ADGRB3: variants seen among roughly 807,000 people sequenced by gnomAD.
The protein encoded by ADGRB3 is adhesion G protein-coupled receptor B3, also known as brain-specific angiogenesis inhibitor 3.
Under a neutral mutation model 193.4 loss-of-function variants are expected in ADGRB3, and 37 were observed. That is an observed-to-expected ratio of 0.19 (90% confidence interval 0.15 to 0.25). The LOEUF (loss-of-function observed/expected upper bound fraction) is 0.25. Ranked by LOEUF, ADGRB3 falls within the 10% of genes least tolerant of loss-of-function variation. The pLI is 1.00. For synonymous variants in ADGRB3, 690 were observed against 644.2 expected (o/e 1.07, Z -1.08); for missense variants, 1,637 against 1,852.9 (o/e 0.88, Z 2.14).
At chr6:69,080,110 C>G (rs2150314063) in intron 17 of ADGRB3, among the ~76,000 whole-genome samples, 1 of 152,086 alleles carries the variant, frequency 6.6e-6, no homozygotes, top group East Asian at 1.9e-4. Context: ...ATATCTTTCT[C>G]TCCCTTTGTC....
intron 3 of ADGRB3, among the ~76,000 whole-genome samples, chr6:68,665,327 T>C (rs1768774810): frequency 6.6e-6 from 1 of 151,880 alleles, no homozygotes; most frequent in Admixed American, 6.6e-5. Context: ...TTTTTCTTTC[T>C]CTTTATATTT....
chr6:69,050,731 G>A (rs62416779), intron 15 of ADGRB3, among the ~76,000 whole-genome samples: 20 of 152,078 alleles, frequency 1.3e-4, no homozygotes, highest in Non-Finnish European at 2.4e-4. Context: ...GGTGACTTGT[G>A]TTTTCATTTC....
chr6:69,110,176 G>A (rs537534163), intron 17 of ADGRB3, among the ~76,000 whole-genome samples: 1 of 151,992 alleles, frequency 6.6e-6, no homozygotes, highest in Non-Finnish European at 1.5e-5. Flanking sequence ...TTGAACTCCT[G>A]ACCTTGTAAT....
intron 3 of ADGRB3, among the ~76,000 whole-genome samples, chr6:68,862,516 A>C (rs1235410609): frequency 6.6e-6 from 1 of 152,196 alleles, no homozygotes; most frequent in Non-Finnish European, 1.5e-5. Context: ...TTTTGTGAAG[A>C]AGGTACTATA....
chr6:68,989,227 A>C (rs996072198), intron 10 of ADGRB3, among the ~76,000 whole-genome samples: 1 of 152,202 alleles, frequency 6.6e-6, no homozygotes, highest in Non-Finnish European at 1.5e-5. Context: ...TTTTAAAACT[A>C]TAATATATTG....
chr6:68,902,705 T>A (rs1213956551), intron 3 of ADGRB3, among the ~76,000 whole-genome samples: 1 of 152,044 alleles, frequency 6.6e-6, no homozygotes, highest in Non-Finnish European at 1.5e-5. Context: ...TGTAACCACA[T>A]ATAATCATGT....
chr6:68,829,911 G>A (rs1451414750), intron 3 of ADGRB3, among the ~76,000 whole-genome samples: 1 of 152,056 alleles, frequency 6.6e-6, no homozygotes, highest in East Asian at 1.9e-4. Flanking sequence ...ATATAAGATA[G>A]AACATAATGA....
intron 3 of ADGRB3, among the ~76,000 whole-genome samples, chr6:68,673,780 A>T (rs1769019355): frequency 1.3e-5 from 2 of 151,922 alleles, no homozygotes; most frequent in Admixed American, 1.3e-4. Flanking sequence ...TTTATTTCTA[A>T]ATTTAGTGCC....
In ADGRB3 at chr6:68,937,747, C is replaced by G. The variant is rs530341162; in HGVS notation, c.1030+1067C>G. On this transcript the variant is annotated intron_variant, in intron 5 of 31. Coordinates refer to ENST00000370598, the MANE Select transcript of ADGRB3 (RefSeq NM_001704.3). The stretch of plus-strand genomic sequence containing the variant: ...AACAGGAATAATGTCAGTTTTCCAG[C>G]AGAATATGCAAAGGGGTCCATTAAA... 4.3e-4 allele frequency among the ~76,000 whole-genome samples: 66 copies of G among 152,176 alleles called. 1 individual carries two copies. The highest frequency in any genetic ancestry group is 1.5e-3 in the African/African-American group (62 of 41,524).
At chr6:68,702,412 G>A (rs1440447287) in intron 3 of ADGRB3, among the ~76,000 whole-genome samples, 2 of 152,142 alleles carry the variant, frequency 1.3e-5, no homozygotes, top group African/African-American at 2.4e-5. Context: ...GTGAGATTTG[G>A]TGGGGACACA....
chr6:69,051,777 A>G (rs1771402093), intron 15 of ADGRB3, among the ~76,000 whole-genome samples: 3 of 152,212 alleles, frequency 2.0e-5, no homozygotes, highest in African/African-American at 7.2e-5. Context: ...CACTCAGCAA[A>G]TATTTACTGA....
chr6:69,376,647 T>C (rs557119937), intron 30 of ADGRB3, among the ~76,000 whole-genome samples: 1 of 152,070 alleles, frequency 6.6e-6, no homozygotes, highest in South Asian at 2.1e-4. Context: ...CACAGCTAAA[T>C]TGTGACATAG....
At chr6:69,007,544 C>A (rs575299178) in intron 11 of ADGRB3, among the ~76,000 whole-genome samples, 9 of 152,138 alleles carry the variant, frequency 5.9e-5, no homozygotes, top group Non-Finnish European at 1.0e-4. Flanking sequence ...ACATTCTCTT[C>A]CCTTTTCTTC....
At chr6:69,186,096 C>G (rs1458759479) in intron 17 of ADGRB3, among the ~76,000 whole-genome samples, 1 of 151,028 alleles carries the variant, frequency 6.6e-6, no homozygotes. Flanking sequence ...TTGAGTAAAG[C>G]CTGCTCAGAG....
intron 28 of ADGRB3, among the ~76,000 whole-genome samples, chr6:69,359,206 C>A (rs1769394451): frequency 6.6e-6 from 1 of 151,434 alleles, no homozygotes; most frequent in East Asian, 1.9e-4. Flanking sequence ...GTGTTCCTTA[C>A]TGAATTTGGA....
chr6:68,784,586 A>T (rs1766923159), intron 3 of ADGRB3, among the ~76,000 whole-genome samples: 1 of 152,070 alleles, frequency 6.6e-6, no homozygotes, highest in Non-Finnish European at 1.5e-5. Flanking sequence ...CAAAAATTTC[A>T]CCTGTCAAGT....
At chr6:68,936,929 TCTA>T (rs1293702582) in intron 5 of ADGRB3, among the ~76,000 whole-genome samples, 1 of 152,208 alleles carries the variant, frequency 6.6e-6, no homozygotes, top group Admixed American at 6.5e-5. Flanking sequence ...TGTATCTACT[TCTA>T]ATAATATTTA....
intron 26 of ADGRB3, among the ~76,000 whole-genome samples, chr6:69,351,095 CTT>C (rs10649928): frequency 1.0e-4 from 14 of 139,232 alleles, no homozygotes; most frequent in Admixed American, 2.1e-4. Context: ...TCCCTAGATA[CTT>C]TTTTTTTTTT....
At chr6:69,178,776 C>T (rs1235142898) in intron 17 of ADGRB3, among the ~76,000 whole-genome samples, 1 of 152,070 alleles carries the variant, frequency 6.6e-6, no homozygotes, top group African/African-American at 2.4e-5. Flanking sequence ...GAAAATAGTC[C>T]CTCAGTCTCT....
Sources: allele counts gnomAD v4.1 joint callset (sites outside exome capture counted in the v4.1 genomes callset), GRCh38; gene constraint gnomAD v4.1.1; transcripts MANE v1.5; gene names NCBI Gene and HGNC (gene_info 2026-07-23, HGNC 2026-07-21).